The following NTRK2 variants were observed in gnomAD, a reference collection of about 807,000 sequenced individuals.
The protein encoded by NTRK2 is BDNF/NT-3 growth factors receptor.
A neutral mutation model predicts 94.5 loss-of-function variants in NTRK2; 13 were observed. The observed-to-expected ratio is 0.14, with a 90% CI of 0.09 to 0.22. NTRK2 has a LOEUF of 0.22. NTRK2 is among the 10% of genes least tolerant of loss of function. The probability of loss-of-function intolerance (pLI) is 1.00; values close to 1 mark genes in which losing one functional copy is unlikely to be tolerated. For synonymous variants in NTRK2, 372 were observed against 407.4 expected (o/e 0.91, Z 1.05); for missense variants, 639 against 1,071.2 (o/e 0.60, Z 5.63).
At chr9:84,849,620 A>G (rs1264763168) in intron 12 of NTRK2, among the ~76,000 whole-genome samples, 1 of 152,218 alleles carries the variant, frequency 6.6e-6, no homozygotes, top group African/African-American at 2.4e-5. Flanking sequence ...GGGAGACAAG[A>G]CAGAAATATG....
At position 84,948,488 on chromosome 9, in the gene NTRK2, A is replaced by C. The variant is rs2132881800; in HGVS notation, c.1791A>C (p.Ala597=). 2 of 1,614,176 alleles carry C rather than the reference A, an allele frequency of 1.2e-6. No individual in the cohort carries two copies. Among genetic ancestry groups the C allele is most frequent in the Non-Finnish European group, 1.7e-6 (2 of 1,180,032 alleles). ...CCCTGAAGGATGCCAGTGACAATGC[A>C]CGCAAGGACTTCCACCGTGAGGCCG... ...VKTLKDASDN[A]RKDFHREAEL... is the part of the protein sequence containing the mutation. The change falls in exon 16 of 19, where the codon GCA becomes GCC. Residue 597 remains alanine, a synonymous_variant. Coordinates refer to ENST00000277120, the MANE Select transcript of NTRK2 (RefSeq NM_006180.6).
At chr9:84,810,079 C>G (rs1444686224) in intron 12 of NTRK2, among the ~76,000 whole-genome samples, 1 of 151,982 alleles carries the variant, frequency 6.6e-6, no homozygotes, top group Non-Finnish European at 1.5e-5. Context: ...GAAACTAATT[C>G]CCCCCACCCA....
At chr9:84,853,567 A>C (rs920094492) in intron 12 of NTRK2, among the ~76,000 whole-genome samples, 1 of 152,246 alleles carries the variant, frequency 6.6e-6, no homozygotes, top group Admixed American at 6.5e-5. Context: ...TACATTTGCT[A>C]TATTTAATAT....
intron 17 of NTRK2, among the ~76,000 whole-genome samples, chr9:84,991,709 T>C (rs2133322908): frequency 6.6e-6 from 1 of 152,132 alleles, no homozygotes; most frequent in South Asian, 2.1e-4. Context: ...GAAGGGATTG[T>C]GGTGGTAGGA....
intron 17 of NTRK2, among the ~76,000 whole-genome samples, chr9:84,996,517 G>A (rs1564535212): frequency 6.6e-6 from 1 of 152,214 alleles, no homozygotes; most frequent in Non-Finnish European, 1.5e-5. Flanking sequence ...CATCACACAC[G>A]TGGAGGAGAA....
At chr9:84,890,961 T>C (rs2076577242) in intron 14 of NTRK2, among the ~76,000 whole-genome samples, 1 of 152,244 alleles carries the variant, frequency 6.6e-6, no homozygotes, top group Admixed American at 6.5e-5. Context: ...TTTAAACATA[T>C]GCTTTGTGAT....
chr9:84,806,701 G>A, intron 12 of NTRK2, among the ~76,000 whole-genome samples: 1 of 152,346 alleles, frequency 6.6e-6, no homozygotes, highest in Middle Eastern at 3.4e-3. Flanking sequence ...AGTTGGTGCA[G>A]CAACCAACAG....
intron 14 of NTRK2, among the ~76,000 whole-genome samples, chr9:84,893,724 A>G (rs1427146192): frequency 6.6e-6 from 1 of 152,186 alleles, no homozygotes; most frequent in African/African-American, 2.4e-5. Flanking sequence ...AAAGCATGCA[A>G]TGTGACCCAG....
At chr9:84,719,669 G>A (rs2061934174) in intron 6 of NTRK2, among the ~76,000 whole-genome samples, 2 of 152,006 alleles carry the variant, frequency 1.3e-5, no homozygotes, top group South Asian at 2.1e-4. Flanking sequence ...GCACCATGAC[G>A]GGCCTTGACT....
intron 14 of NTRK2, among the ~76,000 whole-genome samples, chr9:84,915,077 G>T (rs1023089341): frequency 6.6e-6 from 1 of 152,134 alleles, no homozygotes; most frequent in Non-Finnish European, 1.5e-5. Context: ...GCAGTTCACC[G>T]TAGGGTTCAT....
intron 12 of NTRK2, among the ~76,000 whole-genome samples, chr9:84,754,593 C>T (rs57189532): frequency 0.11 from 17,176 of 152,144 alleles, 1,992 homozygotes; most frequent in African/African-American, 0.29. Flanking sequence ...AATGTAAAAA[C>T]ACTATTATGC....
intron 14 of NTRK2, chr9:84,872,120 T>C (rs2075887952): frequency 1.5e-6 from 2 of 1,297,118 alleles, no homozygotes; most frequent in Admixed American, 3.2e-5. Flanking sequence ...CTGGAGTTGG[T>C]CTTTAACTCA....
intron 15 of NTRK2, among the ~76,000 whole-genome samples, chr9:84,936,172 A>G (rs2078207799): frequency 6.6e-6 from 1 of 152,230 alleles, no homozygotes; most frequent in Non-Finnish European, 1.5e-5. Flanking sequence ...TCAGGCAGAT[A>G]TAGAGATAGA....
chr9:84,947,238 G>A (rs1003083680), intron 15 of NTRK2, among the ~76,000 whole-genome samples: 2 of 152,200 alleles, frequency 1.3e-5, no homozygotes, highest in East Asian at 1.9e-4. Context: ...TTACAGGCAT[G>A]AGCTACTGTA....
At chr9:85,002,665 T>A (rs1257216812) in intron 17 of NTRK2, among the ~76,000 whole-genome samples, 1 of 152,234 alleles carries the variant, frequency 6.6e-6, no homozygotes. Context: ...TGTAAAGAAC[T>A]AGCCATCAGC....
At chr9:84,703,657 A>C (rs7044027) in intron 4 of NTRK2, among the ~76,000 whole-genome samples, 2,867 of 152,336 alleles carry the variant, frequency 0.019, 109 homozygotes, top group African/African-American at 0.066. Flanking sequence ...GGAAAATATT[A>C]ATTTCATAAA....
At chr9:84,894,948 C>T (rs1469456569) in intron 14 of NTRK2, among the ~76,000 whole-genome samples, 1 of 152,066 alleles carries the variant, frequency 6.6e-6, no homozygotes. Context: ...AGAAAACATA[C>T]AGGTTTATGA....
intron 2 of NTRK2, among the ~76,000 whole-genome samples, chr9:84,680,480 T>C (rs965579979): frequency 1.3e-5 from 2 of 152,250 alleles, no homozygotes; most frequent in Non-Finnish European, 2.9e-5. Context: ...CCAGTTACGA[T>C]GGAAGGGCTG....
intron 12 of NTRK2, among the ~76,000 whole-genome samples, chr9:84,770,193 C>CACACACACACACAA (rs1375107305): frequency 1.3e-5 from 2 of 151,184 alleles, no homozygotes; most frequent in Non-Finnish European, 3.0e-5. Context: ...CACACACACA[C>CACACACACACACAA]AAACACACAG....
Sources: allele counts gnomAD v4.1 joint callset (sites outside exome capture counted in the v4.1 genomes callset), GRCh38; gene constraint gnomAD v4.1.1; transcripts MANE v1.5; gene names NCBI Gene and HGNC (gene_info 2026-07-23, HGNC 2026-07-21).